The following TUFM variants were observed in gnomAD, a reference collection of about 807,000 sequenced individuals.
The protein encoded by TUFM is elongation factor Tu, mitochondrial.
A neutral mutation model predicts 45.0 loss-of-function variants in TUFM; 23 were observed. The observed-to-expected ratio is 0.51, with a 90% CI of 0.37 to 0.72. The LOEUF (loss-of-function observed/expected upper bound fraction) is 0.72, where lower values mean the gene tolerates loss of function less well. Among genes scored for constraint, TUFM ranks in the 30% least tolerant of loss-of-function variants. The pLI is 0.00. For missense variants in TUFM, 490 were observed against 610.7 expected (o/e 0.80, Z 2.08); for synonymous variants, 243 against 252.9 (o/e 0.96, Z 0.37).
rs115639868 is a variant in TUFM, at chr16:28,845,556, C to T, written c.248-76G>A. On this transcript the variant is annotated intron_variant, in intron 2 of 9. Coordinates refer to ENST00000313511, the MANE Select transcript of TUFM (RefSeq NM_003321.5). The stretch of plus-strand genomic sequence containing the variant: ...CAGAGCTTAGACCACGCCCCTGAAC[C>T]CTCCCACCTAAATACATAACCTCCT... The T allele has an allele frequency of 1.8e-3, 2,814 of 1,557,118 alleles. 53 individuals are homozygous for T. In the African/African-American group the frequency reaches 0.035, roughly 19 times the overall value.
rs7187776 is a variant in TUFM, at chr16:28,846,324, A to G, written c.-55T>C. ...ACCAGGAGCCCGAGCGCACAGAAGAAGAAGGGCGCCTGCGGCTGGAAGGCA... is the reference window on the plus strand; with the variant it reads ...ACCAGGAGCCCGAGCGCACAGAAGAGGAAGGGCGCCTGCGGCTGGAAGGCA... On this transcript the variant is annotated 5_prime_UTR_variant, in exon 1 of 10. Transcript: ENST00000313511. 0.39 allele frequency: 598,969 copies of G among 1,533,892 alleles called. 119,795 individuals carry two copies. Among genetic ancestry groups the G allele is most frequent in the Admixed American group, 0.48 (23,945 of 49,684 alleles).
intron 2 of TUFM, 61 bp from the exon 3 acceptor site, chr16:28,845,541 A>T: frequency 3.7e-6 from 6 of 1,603,644 alleles, no homozygotes; most frequent in Non-Finnish European, 5.1e-6. Flanking sequence ...CAGAGCTTAG[A>T]CCACGCCCCT....
chr16:28,846,093 G>T lies in TUFM; in HGVS notation c.66C>A (p.Gly22=), dbSNP rs1300589870. The T allele has an allele frequency of 6.2e-7, 1 of 1,613,578 alleles. No individual in the cohort carries two copies. The highest frequency in any genetic ancestry group is 8.5e-7 in the Non-Finnish European group (1 of 1,179,884). The part of the protein sequence containing the change: ...ATPHFSGLAA[G]RTFLLQGLLR... ...ACAGACCCTGCAGCAGGAAGGTCCG[G>T]CCGGCGGCGAGACCTGCCGGGACCG... The change falls in exon 2 of 10, where the codon GGC becomes GGA. Residue 22 remains glycine, a synonymous_variant. Transcript: ENST00000313511.
Position 28,843,814 on chromosome 16 carries a change from G to A in TUFM, c.1116C>T (p.Pro372=). The A allele has an allele frequency of 1.2e-6, 2 of 1,614,176 alleles. No individual in the cohort carries two copies. Among genetic ancestry groups the A allele is most frequent in the African/African-American group, 1.3e-5 (1 of 75,050 alleles). ...TGACAGGCATGAAGTGGGACACAAA[G>A]GGCTTGTGGCGGCCACCTTCCTCCT... is the stretch of plus-strand genomic sequence containing the variant. ...LSKEEGGRHK[P]FVSHFMPVMF... Residue 372 remains proline, a synonymous_variant, in exon 9 of 10, where the codon CCC becomes CCT. Transcript: ENST00000313511.
chr16:28,842,778 G>A lies in TUFM; in HGVS notation c.*197C>T. The stretch of plus-strand genomic sequence containing the variant: ...TCTCCAATTTGCACAAAGGACACAG[G>A]ACACAGGCTGGCTTACTATTCAAAG... On this transcript the variant is annotated 3_prime_UTR_variant, in exon 10 of 10. Coordinates refer to ENST00000313511, the MANE Select transcript of TUFM (RefSeq NM_003321.5). The A allele has an allele frequency of 1.4e-6, 1 of 707,030 alleles. No homozygotes were observed. The highest frequency in any genetic ancestry group is 1.7e-5 in the African/African-American group (1 of 57,504). 43.8% of individuals were successfully genotyped at this position (707,030 alleles called of 1,614,324 possible).
At chr16:28,845,616 G>A in intron 2 of TUFM, 136 bp from the exon 3 acceptor site, 3 of 1,189,874 alleles carry the variant, frequency 2.5e-6, no homozygotes, top group Non-Finnish European at 3.7e-6. Flanking sequence ...GAGAACTGTG[G>A]GTCAGAAAGA....
At chr16:28,843,665 G>A in intron 9 of TUFM, 71 bp downstream of exon 9, 6 of 1,600,496 alleles carry the variant, frequency 3.7e-6, no homozygotes, top group Non-Finnish European at 5.1e-6. Flanking sequence ...GTGTATCTTT[G>A]GAACTATGAG....
chr16:28,844,508 A>G lies in TUFM; in HGVS notation c.728T>C (p.Leu243Pro). Reference sequence around the variant, plus strand: ...TGGGATGTAAGTGTCCACAGCATCCAGTAGCTTCTGCACAGACTTCAGGCC... The same window carrying G: ...TGGGATGTAAGTGTCCACAGCATCCGGTAGCTTCTGCACAGACTTCAGGCC... ...ELGLKSVQKL[L>P]DAVDTYIPVP... The change falls in exon 6 of 10, where the codon CTG (leucine) becomes CCG (proline). Residue 243 changes from leucine (L) to proline (P), a missense_variant. Coordinates refer to ENST00000313511, the MANE Select transcript of TUFM (RefSeq NM_003321.5). The surrounding 1 kb of genome is among the most constrained non-coding windows in gnomAD (Gnocchi z 5.8). The G allele has an allele frequency of 6.2e-7, 1 of 1,614,114 alleles. No individual in the cohort carries two copies. The highest frequency in any genetic ancestry group is 8.5e-7 in the Non-Finnish European group (1 of 1,180,032).
rs1308141919 is a variant in TUFM at position 28,844,933 on chromosome 16, T to C, written c.519+18A>G. ...TCCCCACTCTTCCCTTTTGCATCCTTACCCAGGCTCTGAGTACCTGTCTGG... is the reference window on the plus strand; with the variant it reads ...TCCCCACTCTTCCCTTTTGCATCCTCACCCAGGCTCTGAGTACCTGTCTGG... On this transcript the variant is annotated intron_variant, in intron 4 of 9. Coordinates refer to ENST00000313511, the MANE Select transcript of TUFM (RefSeq NM_003321.5). The surrounding 1 kb of genome is among the most constrained non-coding windows in gnomAD (Gnocchi z 5.8). 1.9e-6 allele frequency: 3 copies of C among 1,614,102 alleles called. No homozygotes were observed. Among genetic ancestry groups the C allele is most frequent in the Non-Finnish European group, 2.5e-6 (3 of 1,179,994 alleles).
At chr16:28,845,639 C>T (rs955789453) in intron 2 of TUFM, among the ~76,000 whole-genome samples, 159 bp from the exon 3 acceptor site, 1 of 152,146 alleles carries the variant, frequency 6.6e-6, no homozygotes, top group African/African-American at 2.4e-5. Flanking sequence ...TGTTAGAGGG[C>T]CTTAAGGGTC....
chr16:28,843,469 G>T (rs1368836357), intron 9 of TUFM, among the ~76,000 whole-genome samples: 1 of 152,300 alleles, frequency 6.6e-6, no homozygotes, highest in Admixed American at 6.5e-5. Context: ...AAAAAGAAGA[G>T]ACCTTTTCTA....
chr16:28,842,874 C>T lies in TUFM; in HGVS notation c.*101G>A. 1 of 1,483,614 alleles carries T rather than the reference C, an allele frequency of 6.7e-7. No homozygotes were observed. The highest frequency in any genetic ancestry group is 9.4e-7 in the Non-Finnish European group (1 of 1,065,832). The allele number at this position is 1,483,614 out of a possible 1,614,324, so 91.9% of individuals were successfully genotyped here. A position where few individuals can be genotyped will look rare whatever the true frequency, so the allele number is the denominator to read the frequency against. ...GAAATGTCCATCTAGCTGCCCTCTG[C>T]TGGGTTGCAGCCTATGCCATGAGAG... On this transcript the variant is annotated 3_prime_UTR_variant, in exon 10 of 10. Transcript: ENST00000313511.
chr16:28,842,837 T>C lies in TUFM; in HGVS notation c.*138A>G, dbSNP rs1199729319. ...CCTCCCCAGCCAGGCAGGCCAACCC[T>C]TCCGAGCAGGGGAAATGTCCATCTA... is the stretch of plus-strand genomic sequence containing the variant. On this transcript the variant is annotated 3_prime_UTR_variant, in exon 10 of 10. Coordinates refer to ENST00000313511, the MANE Select transcript of TUFM (RefSeq NM_003321.5). 10 of 1,193,204 alleles carry C rather than the reference T, an allele frequency of 8.4e-6. No homozygotes were observed. The highest frequency in any genetic ancestry group is 1.2e-5 in the Non-Finnish European group (10 of 808,200). The allele number at this position is 1,193,204 out of a possible 1,614,324, so 73.9% of individuals were successfully genotyped here. A position where few individuals can be genotyped will look rare whatever the true frequency, so the allele number is the denominator to read the frequency against.
Position 28,844,641 on chromosome 16 carries a change from G to C in TUFM, c.684+57C>G. On this transcript the variant is annotated intron_variant, in intron 5 of 9. Coordinates refer to ENST00000313511, the MANE Select transcript of TUFM (RefSeq NM_003321.5). The surrounding 1 kb of genome is among the most constrained non-coding windows in gnomAD (Gnocchi z 5.8). ...CTTCCCAGACACAAAGCAGAGCTCT[G>C]GGTGCCCATCCAGCCCCACCCTCTG... 6.2e-7 allele frequency: 1 copy of C among 1,613,836 alleles called. No individual in the cohort carries two copies. The highest frequency in any genetic ancestry group is 1.3e-5 in the African/African-American group (1 of 75,024).
chr16:28,845,585 A>C, intron 2 of TUFM, 105 bp from the exon 3 acceptor site: 3 of 1,349,540 alleles, frequency 2.2e-6, no homozygotes, highest in Non-Finnish European at 3.1e-6. Context: ...ACCTCCTCCA[A>C]TCTCTAACTC....
intron 8 of TUFM, 30 bp from the exon 9 acceptor site, chr16:28,843,885 T>TGGGCTTGGCTGGAGGCTGGGGA: frequency 1.2e-6 from 2 of 1,614,094 alleles, no homozygotes; most frequent in Non-Finnish European, 1.7e-6. Context: ...GACGGTGAGC[T>TGGGCTTGGCTGGAGGCTGGGGA]GGGCTTGGCT....
chr16:28,845,810 G>A (rs1961935603), intron 2 of TUFM, 102 bp downstream of exon 2: 2 of 1,458,356 alleles, frequency 1.4e-6, no homozygotes, highest in Middle Eastern at 2.4e-4. Flanking sequence ...GGCTCTTGGG[G>A]CCACAGTAAA....
rs964746505 is a variant in TUFM, at chr16:28,845,612, T to C, written c.248-132A>G. The C allele has an allele frequency of 1.8e-5, 22 of 1,204,396 alleles. No individual in the cohort carries two copies. The African/African-American group carries it at 3.0e-4, about 17-fold the overall frequency. 74.6% of individuals were successfully genotyped at this position (1,204,396 alleles called of 1,614,324 possible). The stretch of plus-strand genomic sequence containing the variant: ...CTCTAACTCTTCCAGCAGAGAGAAC[T>C]GTGGGTCAGAAAGAAATGTTAGAGG... On this transcript the variant is annotated intron_variant, in intron 2 of 9. Transcript: ENST00000313511.
Position 28,844,783 on chromosome 16 carries a change from A to T in TUFM, c.599T>A (p.Leu200Gln). ...QDSEMVELVE[L>Q]EIRELLTEFG... ...CTCGGTGAGCAGCTCCCGGATCTCC[A>T]GTTCCACCAGTTCCACCATCTCAGA... The change falls in exon 5 of 10, where the codon CTG (leucine) becomes CAG (glutamine). Residue 200 changes from leucine to glutamine, a missense_variant. Coordinates refer to ENST00000313511, the MANE Select transcript of TUFM (RefSeq NM_003321.5). This position sits in a 1 kb window ranked among gnomAD's most constrained non-coding sequence, Gnocchi z 5.8. 2 of 1,614,162 alleles carry T rather than the reference A, an allele frequency of 1.2e-6. No homozygotes were observed. Among genetic ancestry groups the T allele is most frequent in the Non-Finnish European group, 1.7e-6 (2 of 1,180,020 alleles).
Sources: allele counts gnomAD v4.1 joint callset (sites outside exome capture counted in the v4.1 genomes callset), GRCh38; gene constraint gnomAD v4.1.1; non-coding constraint Gnocchi (gnomAD v3.1); transcripts MANE v1.5; gene names NCBI Gene and HGNC (gene_info 2026-07-23, HGNC 2026-07-21).